COBL: variants seen among roughly 807,000 people sequenced by gnomAD.
The protein encoded by COBL is cordon-bleu WH2 repeat protein.
A neutral mutation model predicts 98.8 loss-of-function variants in COBL; 51 were observed. The ratio of observed to expected loss-of-function variants is 0.52; its 90% CI spans 0.41 to 0.65. The LOEUF (loss-of-function observed/expected upper bound fraction) is 0.65. Among genes scored for constraint, COBL ranks in the 30% least tolerant of loss-of-function variants. COBL has a pLI of 0.00. For synonymous variants in COBL, 634 were observed against 651.7 expected (o/e 0.97, Z 0.41); for missense variants, 1,617 against 1,617.5 (o/e 1.00, Z 0.01).
chr7:51,207,606 T>C (rs970585826), intron 2 of COBL, among the ~76,000 whole-genome samples: 151 of 152,342 alleles, frequency 9.9e-4, no homozygotes, highest in African/African-American at 3.5e-3. Context: ...GTTTTCGTAT[T>C]TTTTTGGTGG....
chr7:51,075,420 C>A (rs145133822), intron 7 of COBL, among the ~76,000 whole-genome samples: 1 of 152,262 alleles, frequency 6.6e-6, no homozygotes, highest in African/African-American at 2.4e-5. Flanking sequence ...TATTCTAAAG[C>A]ATTAAATCCT....
intron 1 of COBL, among the ~76,000 whole-genome samples, chr7:51,261,692 C>T (rs1054252135): frequency 6.6e-6 from 1 of 152,062 alleles, no homozygotes; most frequent in African/African-American, 2.4e-5. Flanking sequence ...AGGGGCCAGG[C>T]GCGGTGGCTC....
chr7:51,170,678 C>T (rs1045219182), intron 5 of COBL, among the ~76,000 whole-genome samples: 11 of 151,690 alleles, frequency 7.3e-5, no homozygotes, highest in African/African-American at 2.7e-4. Context: ...TGAAATTATC[C>T]AGACATAGAA....
intron 8 of COBL, among the ~76,000 whole-genome samples, chr7:51,039,699 G>A (rs1288775623): frequency 6.6e-6 from 1 of 152,234 alleles, no homozygotes; most frequent in Middle Eastern, 3.2e-3. Context: ...AAGTAATCTT[G>A]TTTCTCCCAA....
intron 1 of COBL, among the ~76,000 whole-genome samples, chr7:51,254,754 C>T (rs1244242933): frequency 1.3e-5 from 2 of 152,180 alleles, no homozygotes; most frequent in Non-Finnish European, 1.5e-5. Flanking sequence ...ATAAGCTCCA[C>T]AGCCACCATC....
intron 1 of COBL, among the ~76,000 whole-genome samples, chr7:51,283,147 C>G (rs1799955056): frequency 6.6e-6 from 1 of 152,042 alleles, no homozygotes; most frequent in African/African-American, 2.4e-5. Flanking sequence ...AAACCCAAAT[C>G]ATATACAAGG....
chr7:51,083,155 T>TTGGGGGGGGGGG, intron 7 of COBL: 1 of 605,276 alleles, frequency 1.7e-6, no homozygotes, highest in Non-Finnish European at 2.3e-6. Flanking sequence ...AGGGCGGGGG[T>TTGGGGGGGGGGG]GGGGGAAGCA....
chr7:51,273,530 T>A (rs116988964), intron 1 of COBL, among the ~76,000 whole-genome samples: 6 of 152,152 alleles, frequency 3.9e-5, no homozygotes, highest in Non-Finnish European at 7.3e-5. Context: ...GAAGTCATCA[T>A]TGACATCAGG....
chr7:51,195,843 T>C (rs1345554809), intron 2 of COBL, among the ~76,000 whole-genome samples: 6 of 152,208 alleles, frequency 3.9e-5, no homozygotes. Flanking sequence ...TGTACATCGA[T>C]TTTGTATACT....
At chr7:51,303,149 T>C (rs570747752) in intron 1 of COBL, among the ~76,000 whole-genome samples, 210 of 152,358 alleles carry the variant, frequency 1.4e-3, no homozygotes, top group Admixed American at 2.2e-3. Flanking sequence ...GATCATACTT[T>C]CAGATTTATG....
chr7:51,257,819 C>A (rs909399980), intron 1 of COBL, among the ~76,000 whole-genome samples: 9 of 151,842 alleles, frequency 5.9e-5, no homozygotes, highest in African/African-American at 1.5e-4. Context: ...TTTAAAAAAA[C>A]AGATAGATTA....
chr7:51,140,900 C>T (rs916900388), intron 5 of COBL, among the ~76,000 whole-genome samples: 1 of 152,172 alleles, frequency 6.6e-6, no homozygotes, highest in Non-Finnish European at 1.5e-5. Flanking sequence ...ATCCCTATTT[C>T]GAGTCAGCAC....
chr7:51,067,124 T>TG (rs1384751294), intron 7 of COBL, among the ~76,000 whole-genome samples: 41 of 151,964 alleles, frequency 2.7e-4, no homozygotes, highest in African/African-American at 9.4e-4. Context: ...TGGGGTGGCG[T>TG]GGGGGTGGGG....
At chr7:51,242,702 T>C (rs1215418717) in intron 1 of COBL, among the ~76,000 whole-genome samples, 3 of 152,212 alleles carry the variant, frequency 2.0e-5, no homozygotes, top group Non-Finnish European at 4.4e-5. Context: ...AACTTAGGAT[T>C]TGAACACAGC....
In COBL at chr7:51,251,787, A is replaced by C. The variant is rs186272086; in HGVS notation, c.42-31843T>G. On this transcript the variant is annotated intron_variant, in intron 1 of 12. Transcript: ENST00000265136. ...ATTTTCAAGCCTAAAAAAATGTTGA[A>C]AGATTGGTACAATGAACTACCCTCA... Among the ~76,000 whole-genome samples the C allele has an allele frequency of 1.7e-3, 256 of 152,338 alleles. 5 individuals are homozygous for C. Among genetic ancestry groups the C allele is most frequent in the Admixed American group, 0.016 (245 of 15,296 alleles).
chr7:51,129,794 G>A (rs898637683), intron 6 of COBL, among the ~76,000 whole-genome samples: 11 of 152,172 alleles, frequency 7.2e-5, no homozygotes, highest in African/African-American at 2.7e-4. Flanking sequence ...GGAGAAGCAG[G>A]AGAGATGCAG....
chr7:51,044,833 T>C (rs1467767021), intron 7 of COBL, among the ~76,000 whole-genome samples: 1 of 152,184 alleles, frequency 6.6e-6, no homozygotes, highest in Non-Finnish European at 1.5e-5. Context: ...ACTAACAACT[T>C]ATCACCACGA....
chr7:51,082,910 T>C (rs564865294), intron 7 of COBL: 217 of 731,318 alleles, frequency 3.0e-4, no homozygotes, highest in South Asian at 3.8e-4. Flanking sequence ...TCAGACACAC[T>C]GCATTCAGCA....
chr7:51,262,545 G>T (rs867541349), intron 1 of COBL, among the ~76,000 whole-genome samples: 1 of 152,174 alleles, frequency 6.6e-6, no homozygotes, highest in South Asian at 2.1e-4. Flanking sequence ...TAGTAAGAGC[G>T]CACAGGAAGG....
Sources: allele counts gnomAD v4.1 joint callset (sites outside exome capture counted in the v4.1 genomes callset), GRCh38; gene constraint gnomAD v4.1.1; transcripts MANE v1.5; gene names NCBI Gene and HGNC (gene_info 2026-07-23, HGNC 2026-07-21).